The following SBK1 variants were observed in gnomAD, a reference collection of about 807,000 sequenced individuals.
SBK1 encodes serine/threonine-protein kinase SBK1.
SBK1 carries 11 observed loss-of-function variants against 24.4 expected under a neutral mutation model. That is an observed-to-expected ratio of 0.45 (90% confidence interval 0.28 to 0.75). The LOEUF is 0.75. Ranked by LOEUF, SBK1 falls within the 30% of genes least tolerant of loss-of-function variation. The probability of loss-of-function intolerance (pLI) is 0.12; values close to 1 mark genes in which losing one functional copy is unlikely to be tolerated. For missense variants in SBK1, 467 were observed against 620.5 expected (o/e 0.75, Z 2.63); for synonymous variants, 308 against 284.4 (o/e 1.08, Z -0.83).
At chr16:28,267,246 G>A (rs749981280) in intron 1 of SBK1, among the ~76,000 whole-genome samples, 34 of 152,012 alleles carry the variant, frequency 2.2e-4, no homozygotes, top group African/African-American at 2.9e-4. Flanking sequence ...GGGGGGAGGC[G>A]GAGGCATCTC....
intron 1 of SBK1, among the ~76,000 whole-genome samples, chr16:28,312,949 C>T (rs2044764078): frequency 6.6e-6 from 1 of 152,136 alleles, no homozygotes; most frequent in South Asian, 2.1e-4. Flanking sequence ...GCCTGACCAA[C>T]ATGGAGAAAC....
intron 1 of SBK1, among the ~76,000 whole-genome samples, chr16:28,296,276 G>A (rs1421902616): frequency 6.6e-6 from 1 of 151,946 alleles, no homozygotes; most frequent in African/African-American, 2.4e-5. Flanking sequence ...TGTATTTTTA[G>A]TAGAGACGGG....
rs975276443 is a variant in SBK1, at chr16:28,322,286, G to T, written c.*1365G>T. On this transcript the variant is annotated 3_prime_UTR_variant, in exon 4 of 4. Coordinates refer to ENST00000341901, the MANE Select transcript of SBK1 (RefSeq NM_001024401.3). ...AGCCCTCAGGAAATCCGGCAAGGAGGCCCCTGCAGGTTGGTTCAGGCCCCC... is the reference window on the plus strand; with the variant it reads ...AGCCCTCAGGAAATCCGGCAAGGAGTCCCCTGCAGGTTGGTTCAGGCCCCC... 2 of 152,510 alleles carry T rather than the reference G, an allele frequency of 1.3e-5. No homozygotes were observed. Among genetic ancestry groups the T allele is most frequent in the African/African-American group, 4.8e-5 (2 of 41,528 alleles). The allele number at this position is 152,510 out of a possible 1,614,324, so 9.4% of individuals were successfully genotyped here.
Position 28,259,549 on chromosome 16 carries a change from C to A in SBK1, c.257+47C>A. On this transcript the variant is annotated intron_variant, in intron 1 of 3. Coordinates refer to the SBK1 transcript ENST00000671413. The surrounding 1 kb of genome is among the most constrained non-coding windows in gnomAD (Gnocchi z 6.0). Reference sequence around the variant, plus strand: ...GTGGGTGGGCAGCAGGTGGGCACAGCGCTCGACCCAGGGTGCCTGTGGGCC... The same window carrying A: ...GTGGGTGGGCAGCAGGTGGGCACAGAGCTCGACCCAGGGTGCCTGTGGGCC... The A allele has an allele frequency of 3.1e-6, 2 of 644,460 alleles. No individual in the cohort carries two copies. Among genetic ancestry groups the A allele is most frequent in the Non-Finnish European group, 3.9e-6 (2 of 518,522 alleles). 39.9% of individuals were successfully genotyped at this position (644,460 alleles called of 1,614,324 possible).
intron 1 of SBK1, among the ~76,000 whole-genome samples, chr16:28,310,956 C>T (rs1482233306): frequency 6.6e-6 from 1 of 152,152 alleles, no homozygotes; most frequent in Non-Finnish European, 1.5e-5. Context: ...GCCACGTGCG[C>T]CGGAACTGGG....
At chr16:28,293,596 C>A (rs557686649) in intron 1 of SBK1, among the ~76,000 whole-genome samples, 1 of 151,970 alleles carries the variant, frequency 6.6e-6, no homozygotes, top group Non-Finnish European at 1.5e-5. Context: ...AGAGTCCCCC[C>A]CCAAAAGCTG....
chr16:28,278,603 C>A (rs752528369), intron 1 of SBK1, among the ~76,000 whole-genome samples: 27 of 152,136 alleles, frequency 1.8e-4, no homozygotes, highest in Admixed American at 5.9e-4. Context: ...AGGCTGAGTT[C>A]AATGGCGCGA....
intron 1 of SBK1, among the ~76,000 whole-genome samples, chr16:28,313,493 G>C (rs2044768801): frequency 1.3e-5 from 2 of 151,650 alleles, no homozygotes; most frequent in Non-Finnish European, 2.9e-5. Context: ...AGCTACTCAG[G>C]AGGCTGAGAT....
intron 1 of SBK1, among the ~76,000 whole-genome samples, chr16:28,283,341 G>C (rs879226921): frequency 1.3e-5 from 2 of 152,138 alleles, no homozygotes; most frequent in Admixed American, 1.3e-4. Context: ...TAACTGAAAA[G>C]TTCGGAGTTT....
At chr16:28,296,269 A>G (rs1325856027) in intron 1 of SBK1, among the ~76,000 whole-genome samples, 2 of 151,552 alleles carry the variant, frequency 1.3e-5, no homozygotes, top group Non-Finnish European at 2.9e-5. Flanking sequence ...AATTTTTTGT[A>G]TTTTTAGTAG....
chr16:28,268,699 G>T (rs1357981935), intron 1 of SBK1, among the ~76,000 whole-genome samples: 4 of 151,892 alleles, frequency 2.6e-5, no homozygotes, highest in Non-Finnish European at 5.9e-5. Flanking sequence ...GGAGGCGGAG[G>T]TTGCAGTGAG....
At chr16:28,284,116 C>T (rs35471754) in intron 1 of SBK1, among the ~76,000 whole-genome samples, 6,474 of 152,308 alleles carry the variant, frequency 0.043, 168 homozygotes, top group Non-Finnish European at 0.057. Flanking sequence ...CGACGCTTGT[C>T]GCTGTCTTCC....
rs951615148 is a variant in SBK1, at chr16:28,307,776, AAAAT to A, written c.-7-9596_-7-9593del. 1.8e-4 allele frequency among the ~76,000 whole-genome samples: 28 copies of A among 152,058 alleles called. 1 individual carries two copies. The highest frequency in any genetic ancestry group is 2.6e-4 in the Admixed American group (4 of 15,260). On this transcript the variant is annotated intron_variant, in intron 1 of 3. Coordinates refer to ENST00000341901, the MANE Select transcript of SBK1 (RefSeq NM_001024401.3). ...AAAAAAGAAGAAAGAAAGAAAAGAA[AAAAT>A]AAATAAATAAATTTCAAGATGCGTT... is the stretch of plus-strand genomic sequence containing the variant.
At chr16:28,266,321 C>A (rs914811846) in intron 1 of SBK1, among the ~76,000 whole-genome samples, 1 of 151,958 alleles carries the variant, frequency 6.6e-6, no homozygotes, top group African/African-American at 2.4e-5. Context: ...GAGCTAAGAT[C>A]ACACCACTGC....
chr16:28,264,974 C>T lies in SBK1; in HGVS notation c.257+5472C>T, dbSNP rs370433962. ...CAAAGATGTGAGCAGTCCAGGGAAA[C>T]GAGATTAGATTCAGCTGCCAGGCGC... On this transcript the variant is annotated intron_variant, in intron 1 of 3. Transcript: ENST00000671413. Among the ~76,000 whole-genome samples, 7 of 151,952 alleles carry T rather than the reference C, an allele frequency of 4.6e-5. No homozygotes were observed. In the East Asian group the frequency reaches 5.8e-4, roughly 13 times the overall value.
At chr16:28,261,478 C>CAA (rs1555535563) in intron 1 of SBK1, among the ~76,000 whole-genome samples, 14 of 138,076 alleles carry the variant, frequency 1.0e-4, no homozygotes, top group African/African-American at 3.9e-4. Context: ...CACACACACA[C>CAA]AATTAGCCAG....
At chr16:28,293,341 C>T (rs2044615516) in intron 1 of SBK1, 41 bp downstream of exon 1, 3 of 936,602 alleles carry the variant, frequency 3.2e-6, no homozygotes, top group African/African-American at 1.8e-5. Context: ...TGAGTGGCCA[C>T]CGAGGTCCCC....
intron 1 of SBK1, chr16:28,286,102 AC>A (rs2141571039): frequency 6.6e-6 from 1 of 152,436 alleles, no homozygotes; most frequent in East Asian, 1.9e-4. Flanking sequence ...AGGATCCATC[AC>A]CCACTCCAGT....
intron 1 of SBK1, among the ~76,000 whole-genome samples, chr16:28,294,133 C>T (rs971761618): frequency 2.0e-5 from 3 of 152,188 alleles, no homozygotes; most frequent in Non-Finnish European, 4.4e-5. Flanking sequence ...ATTCCAGGGT[C>T]TCACTGTGGC....
Sources: gnomAD v4.1 joint callset for allele counts (sites outside exome capture counted in the v4.1 genomes callset) on GRCh38, gnomAD v4.1.1 for gene constraint, Gnocchi (gnomAD v3.1) non-coding constraint, MANE v1.5 for transcripts, NCBI Gene and HGNC (gene_info 2026-07-23, HGNC 2026-07-21) for gene names.